ARL15: variants seen among roughly 807,000 people sequenced by gnomAD.
The protein encoded by ARL15 is ADP-ribosylation factor-like protein 15.
ARL15 carries 19 observed loss-of-function variants against 25.2 expected under a neutral mutation model. That is an observed-to-expected ratio of 0.75 (90% CI 0.53 to 1.10). The LOEUF is 1.10. Among genes scored for constraint, ARL15 ranks in the 50% least tolerant of loss-of-function variants. The probability of loss-of-function intolerance (pLI) is 0.00; values close to 1 mark genes in which losing one functional copy is unlikely to be tolerated. For missense variants in ARL15, 220 were observed against 246.0 expected, an observed-to-expected ratio of 0.89 and a Z score of 0.71; for synonymous variants, 94 against 86.8, an observed-to-expected ratio of 1.08 and a Z score of -0.46.
intron 1 of ARL15, among the ~76,000 whole-genome samples, chr5:54,221,545 GA>G: frequency 6.6e-6 from 1 of 151,966 alleles, no homozygotes; most frequent in Non-Finnish European, 1.5e-5. Flanking sequence ...CACTCAAGAA[GA>G]TGGGGTGTGT....
At chr5:54,259,702 A>C (rs1351569455) in intron 1 of ARL15, among the ~76,000 whole-genome samples, 1 of 152,210 alleles carries the variant, frequency 6.6e-6, no homozygotes, top group Non-Finnish European at 1.5e-5. Context: ...GAGAACATAC[A>C]GGCATAAAGA....
chr5:53,991,908 A>G (rs190668055), intron 4 of ARL15, among the ~76,000 whole-genome samples: 2 of 152,300 alleles, frequency 1.3e-5, no homozygotes, highest in African/African-American at 4.8e-5. Flanking sequence ...AAAAAATAAT[A>G]CTTATAAATT....
chr5:54,216,634 TACACAC>T (rs373445503), intron 1 of ARL15, among the ~76,000 whole-genome samples: 3 of 150,448 alleles, frequency 2.0e-5, no homozygotes, highest in Admixed American at 6.6e-5. Context: ...TATGTATGTG[TACACAC>T]ACACACACAC....
intron 1 of ARL15, among the ~76,000 whole-genome samples, chr5:54,234,120 C>A (rs998818000): frequency 3.9e-5 from 6 of 152,182 alleles, no homozygotes; most frequent in Admixed American, 1.3e-4. Context: ...CTCAGCTTCC[C>A]AAGTAGCTGG....
chr5:54,204,642 C>T (rs1230177237), intron 1 of ARL15, among the ~76,000 whole-genome samples: 1 of 152,186 alleles, frequency 6.6e-6, no homozygotes, highest in Admixed American at 6.5e-5. Flanking sequence ...CCAGTCAAGT[C>T]TTGCACTTTT....
chr5:53,983,258 A>T (rs1302255549), intron 4 of ARL15, among the ~76,000 whole-genome samples: 1 of 152,214 alleles, frequency 6.6e-6, no homozygotes, highest in Non-Finnish European at 1.5e-5. Flanking sequence ...GCTTTGAGTT[A>T]TCAGGGTGCT....
intron 1 of ARL15, among the ~76,000 whole-genome samples, chr5:54,189,046 A>G (rs1755323006): frequency 6.6e-6 from 1 of 152,218 alleles, no homozygotes; most frequent in South Asian, 2.1e-4. Context: ...TGAAAAGGAA[A>G]TTATGAAAAT....
At chr5:54,104,095 CCT>C (rs1752518666) in intron 4 of ARL15, among the ~76,000 whole-genome samples, 1 of 152,124 alleles carries the variant, frequency 6.6e-6, no homozygotes, top group Non-Finnish European at 1.5e-5. Flanking sequence ...TTCCCGTTCC[CCT>C]CTTTCCATTC....
chr5:53,911,615 G>A (rs1332374208), intron 4 of ARL15, among the ~76,000 whole-genome samples: 1 of 152,008 alleles, frequency 6.6e-6, no homozygotes, highest in African/African-American at 2.4e-5. Context: ...GGTGACTTCT[G>A]AGATTTCAGT....
intron 4 of ARL15, among the ~76,000 whole-genome samples, chr5:53,939,918 C>T (rs1489827611): frequency 6.7e-6 from 1 of 149,968 alleles, no homozygotes; most frequent in Non-Finnish European, 1.5e-5. Flanking sequence ...GAAAAAACAA[C>T]AACAACAACA....
intron 3 of ARL15, among the ~76,000 whole-genome samples, chr5:54,125,454 G>A (rs781229948): frequency 5.3e-5 from 8 of 152,110 alleles, no homozygotes; most frequent in Non-Finnish European, 1.0e-4. Flanking sequence ...TCAGTCTAAC[G>A]CTGCCCCCAC....
At chr5:54,000,422 C>G (rs926029773) in intron 4 of ARL15, among the ~76,000 whole-genome samples, 1 of 152,138 alleles carries the variant, frequency 6.6e-6, no homozygotes, top group Non-Finnish European at 1.5e-5. Flanking sequence ...CTGGAATAAT[C>G]AGTGAAATTA....
chr5:54,090,815 T>G (rs1158660865), intron 4 of ARL15, among the ~76,000 whole-genome samples: 1 of 152,150 alleles, frequency 6.6e-6, no homozygotes, highest in Non-Finnish European at 1.5e-5. Context: ...CACATACTTC[T>G]ACAAACACTA....
At chr5:54,187,053 T>C (rs143827954) in intron 1 of ARL15, among the ~76,000 whole-genome samples, 255 of 152,284 alleles carry the variant, frequency 1.7e-3, no homozygotes, top group African/African-American at 5.7e-3. Context: ...GGAAGGATAC[T>C]GATAATTCAC....
intron 2 of ARL15, among the ~76,000 whole-genome samples, chr5:54,162,807 G>A (rs1043386133): frequency 6.6e-6 from 1 of 152,102 alleles, no homozygotes; most frequent in South Asian, 2.1e-4. Flanking sequence ...AAGAGTTGTC[G>A]ATTCAATTAA....
chr5:54,277,721 C>G (rs927384582), intron 1 of ARL15, among the ~76,000 whole-genome samples: 1 of 151,816 alleles, frequency 6.6e-6, no homozygotes, highest in African/African-American at 2.4e-5. Context: ...CACTGCACTC[C>G]AGGCTGGGTG....
chr5:53,934,843 T>C (rs960895928), intron 4 of ARL15, among the ~76,000 whole-genome samples: 6 of 152,204 alleles, frequency 3.9e-5, no homozygotes, highest in African/African-American at 1.4e-4. Flanking sequence ...CATCTTTCTT[T>C]AGGAAGGTTG....
At chr5:53,982,335 A>AC (rs1748149559) in intron 4 of ARL15, among the ~76,000 whole-genome samples, 4 of 89,882 alleles carry the variant, frequency 4.5e-5, no homozygotes, top group African/African-American at 1.0e-4. Flanking sequence ...CACCTCCCCT[A>AC]CCCCCCCACC....
intron 1 of ARL15, among the ~76,000 whole-genome samples, chr5:54,308,136 G>GT: frequency 6.6e-6 from 1 of 152,292 alleles, no homozygotes; most frequent in Middle Eastern, 3.4e-3. Context: ...TTCTCTGAAA[G>GT]TCGACAAGCA....
Sources: gnomAD v4.1 joint callset for allele counts (sites outside exome capture counted in the v4.1 genomes callset) on GRCh38, gnomAD v4.1.1 for gene constraint, MANE v1.5 for transcripts, NCBI Gene and HGNC (gene_info 2026-07-23, HGNC 2026-07-21) for gene names.